SLMAP: variants seen among roughly 807,000 people sequenced by gnomAD.
SLMAP encodes the protein sarcolemmal membrane-associated protein.
In SLMAP, 44 loss-of-function variants were observed where a neutral mutation model predicts 128.8. The ratio of observed to expected loss-of-function variants is 0.34; its 90% confidence interval spans 0.27 to 0.44. The LOEUF (loss-of-function observed/expected upper bound fraction) is 0.44. Among genes scored for constraint, SLMAP ranks in the 20% least tolerant of loss-of-function variants. SLMAP has a pLI of 1.00. For missense variants in SLMAP, 787 were observed against 985.3 expected, an observed-to-expected ratio of 0.80 and a Z score of 2.69; for synonymous variants, 327 against 348.8, an observed-to-expected ratio of 0.94 and a Z score of 0.70.
rs1245334499 is a variant in SLMAP at position 57,929,565 on chromosome 3, G to T, written c.*2276G>T. On this transcript the variant is annotated 3_prime_UTR_variant, in exon 25 of 25. Transcript: ENST00000671191. ...TCAGTTCACTTCCACGTTAAATAAAGAATAGGATTATTCACTGGTAATAAT... is the reference window on the plus strand; with the variant it reads ...TCAGTTCACTTCCACGTTAAATAAATAATAGGATTATTCACTGGTAATAAT... Among the ~76,000 whole-genome samples, 3 of 152,188 alleles carry T rather than the reference G, an allele frequency of 2.0e-5. No homozygotes were observed. The highest frequency in any genetic ancestry group is 7.2e-5 in the African/African-American group (3 of 41,444).
intron 17 of SLMAP, 157 bp downstream of exon 17, chr3:57,897,089 G>A: frequency 7.2e-7 from 1 of 1,393,224 alleles, no homozygotes; most frequent in East Asian, 2.7e-5. Context: ...AAGTTTTGGT[G>A]TTTATACCCA....
intron 2 of SLMAP, among the ~76,000 whole-genome samples, chr3:57,803,839 G>C (rs2089184693): frequency 6.6e-6 from 1 of 152,160 alleles, no homozygotes; most frequent in African/African-American, 2.4e-5. Flanking sequence ...CTCACACCTT[G>C]GGAGTTTCCC....
At chr3:57,838,864 C>T (rs1021425516) in intron 3 of SLMAP, among the ~76,000 whole-genome samples, 1 of 152,146 alleles carries the variant, frequency 6.6e-6, no homozygotes, top group Non-Finnish European at 1.5e-5. Flanking sequence ...AGGATGAGGT[C>T]AGACAGGAAT....
intron 14 of SLMAP, among the ~76,000 whole-genome samples, chr3:57,882,728 C>T (rs1313214219): frequency 6.6e-6 from 1 of 152,080 alleles, no homozygotes; most frequent in African/African-American, 2.4e-5. Context: ...TGGGATAGAT[C>T]TCAAGGGACC....
intron 17 of SLMAP, chr3:57,898,459 G>C (rs1203459206): frequency 1.3e-5 from 2 of 151,714 alleles, no homozygotes; most frequent in Non-Finnish European, 2.9e-5. Context: ...TTTTCTTTTT[G>C]TAGGTACATA....
chr3:57,874,615 T>C (rs1335480612), intron 14 of SLMAP, among the ~76,000 whole-genome samples: 1 of 150,838 alleles, frequency 6.6e-6, no homozygotes, highest in African/African-American at 2.4e-5. Flanking sequence ...ATCCCAACAC[T>C]TTGGGAGGCC....
intron 10 of SLMAP, 109 bp downstream of exon 10, chr3:57,862,195 G>A (rs532090695): frequency 6.1e-6 from 5 of 821,596 alleles, no homozygotes; most frequent in African/African-American, 1.7e-5. Flanking sequence ...GCGGGCGCCT[G>A]TAATCCCAGC....
intron 14 of SLMAP, among the ~76,000 whole-genome samples, chr3:57,879,292 G>A (rs2095671442): frequency 6.6e-6 from 1 of 152,164 alleles, no homozygotes; most frequent in Non-Finnish European, 1.5e-5. Flanking sequence ...TTCAGTCTTT[G>A]ACAAGATTTG....
At chr3:57,779,004 A>G (rs2082468401) in intron 2 of SLMAP, among the ~76,000 whole-genome samples, 2 of 152,122 alleles carry the variant, frequency 1.3e-5, no homozygotes, top group Non-Finnish European at 2.9e-5. Flanking sequence ...AAGCATGTTT[A>G]TAGTAGGATT....
intron 2 of SLMAP, among the ~76,000 whole-genome samples, chr3:57,770,575 A>C (rs1353970169): frequency 6.6e-6 from 1 of 152,210 alleles, no homozygotes; most frequent in Non-Finnish European, 1.5e-5. Context: ...GAGGCAGTGT[A>C]GTCAAAGATT....
At chr3:57,887,621 G>A (rs967916175) in intron 14 of SLMAP, among the ~76,000 whole-genome samples, 6 of 152,204 alleles carry the variant, frequency 3.9e-5, no homozygotes, top group Admixed American at 3.3e-4. Context: ...CAGAGATCTA[G>A]ACAGATGGAG....
chr3:57,858,436 T>C (rs1378496654), intron 8 of SLMAP, among the ~76,000 whole-genome samples: 1 of 152,212 alleles, frequency 6.6e-6, no homozygotes, highest in African/African-American at 2.4e-5. Flanking sequence ...CATTGTTATT[T>C]AAACATTTTT....
intron 2 of SLMAP, among the ~76,000 whole-genome samples, chr3:57,768,514 T>C (rs1451066954): frequency 1.3e-5 from 2 of 152,134 alleles, no homozygotes; most frequent in Non-Finnish European, 2.9e-5. Context: ...AGGCCAGGAT[T>C]TCAAGTTCAG....
chr3:57,835,285 TG>T (rs147520267), intron 3 of SLMAP, among the ~76,000 whole-genome samples: 2,725 of 151,938 alleles, frequency 0.018, 72 homozygotes, highest in African/African-American at 0.062. Flanking sequence ...CCCGCTCCCC[TG>T]GCCCCCAAAT....
intron 2 of SLMAP, among the ~76,000 whole-genome samples, chr3:57,774,680 A>T (rs1416739597): frequency 1.3e-5 from 2 of 151,812 alleles, no homozygotes; most frequent in Non-Finnish European, 2.9e-5. Context: ...ATGCATCACC[A>T]CACCCGGCTA....
chr3:57,760,867 A>G (rs1487617266), intron 2 of SLMAP, among the ~76,000 whole-genome samples: 1 of 152,066 alleles, frequency 6.6e-6, no homozygotes, highest in Non-Finnish European at 1.5e-5. Flanking sequence ...AGCTGGGACT[A>G]CAGGCATGCG....
intron 2 of SLMAP, among the ~76,000 whole-genome samples, chr3:57,806,187 C>T (rs750319417): frequency 6.6e-6 from 1 of 152,036 alleles, no homozygotes; most frequent in Admixed American, 6.5e-5. Flanking sequence ...AGCCATTTGT[C>T]CTAATGCTCT....
chr3:57,886,842 A>T (rs779201595), intron 14 of SLMAP, among the ~76,000 whole-genome samples: 5 of 152,144 alleles, frequency 3.3e-5, no homozygotes, highest in Admixed American at 6.6e-5. Context: ...GTCATGTGTT[A>T]TATTGTTTTA....
At chr3:57,788,955 T>G (rs1559990660) in intron 2 of SLMAP, among the ~76,000 whole-genome samples, 1 of 152,154 alleles carries the variant, frequency 6.6e-6, no homozygotes, top group Non-Finnish European at 1.5e-5. Flanking sequence ...AGGTAGTGTT[T>G]GTATACTTCA....
Sources: gnomAD v4.1 joint callset for allele counts (sites outside exome capture counted in the v4.1 genomes callset) on GRCh38, gnomAD v4.1.1 for gene constraint, MANE v1.5 for transcripts, NCBI Gene and HGNC (gene_info 2026-07-23, HGNC 2026-07-21) for gene names.